GALNT13: variants seen among roughly 807,000 people sequenced by gnomAD.
The protein encoded by GALNT13 is UDP-GalNAc:polypeptide N-acetylgalactosaminyltransferase 13.
A neutral mutation model predicts 64.2 loss-of-function variants in GALNT13; 28 were observed. That is an observed-to-expected ratio of 0.44 (90% CI 0.32 to 0.60). The LOEUF (loss-of-function observed/expected upper bound fraction) is 0.60, where lower values mean the gene tolerates loss of function less well. Ranked by LOEUF, GALNT13 falls within the 20% of genes least tolerant of loss-of-function variation. The pLI is 0.05. For missense variants in GALNT13, 577 were observed against 669.8 expected (o/e 0.86, Z 1.53); for synonymous variants, 214 against 224.6 (o/e 0.95, Z 0.42).
At chr2:153,627,525 T>C in the GALNT13 span, among the ~76,000 whole-genome samples, 1 of 152,092 alleles carries the variant, frequency 6.6e-6, no homozygotes, top group African/African-American at 2.4e-5. Flanking sequence ...AAAAACAGTC[T>C]TAGAAAAATC....
the GALNT13 span, among the ~76,000 whole-genome samples, chr2:153,304,896 G>A: frequency 6.6e-6 from 1 of 152,116 alleles, no homozygotes; most frequent in Admixed American, 6.5e-5. Context: ...GAGATAGAAG[G>A]CACATTAGAG....
chr2:154,326,066 A>T (rs970127963), intron 9 of GALNT13, among the ~76,000 whole-genome samples: 1 of 152,126 alleles, frequency 6.6e-6, no homozygotes, highest in Non-Finnish European at 1.5e-5. Flanking sequence ...TTAGTCAGGC[A>T]CAGTCTAAGG....
At chr2:153,189,756 G>A in the GALNT13 span, among the ~76,000 whole-genome samples, 3 of 152,184 alleles carry the variant, frequency 2.0e-5, no homozygotes, top group East Asian at 1.9e-4. Flanking sequence ...ATCTTTGCTA[G>A]CATCTGTTAC....
At chr2:153,205,129 C>T in the GALNT13 span, among the ~76,000 whole-genome samples, 87 of 150,382 alleles carry the variant, frequency 5.8e-4, no homozygotes, top group Non-Finnish European at 8.9e-4. Flanking sequence ...TTTTACTGAA[C>T]AAACTTACTG....
At chr2:153,333,410 C>T in the GALNT13 span, among the ~76,000 whole-genome samples, 9 of 152,208 alleles carry the variant, frequency 5.9e-5, no homozygotes, top group East Asian at 9.7e-4. Flanking sequence ...TCACAAGGGC[C>T]GTTTGCTGGC....
chr2:154,004,395 G>A (rs1452086658), intron 3 of GALNT13, among the ~76,000 whole-genome samples: 2 of 151,918 alleles, frequency 1.3e-5, no homozygotes, highest in African/African-American at 2.4e-5. Context: ...TAGTAGAGAG[G>A]GGGTTTCACC....
chr2:153,088,803 G>A, the GALNT13 span, among the ~76,000 whole-genome samples: 14 of 151,996 alleles, frequency 9.2e-5, no homozygotes, highest in Non-Finnish European at 1.3e-4. Flanking sequence ...GCTTGCATTT[G>A]GTTTCCATTT....
At chr2:153,082,614 TATATACACACACACACAC>T in the GALNT13 span, among the ~76,000 whole-genome samples, 896 of 30,950 alleles carry the variant, frequency 0.029, 3 homozygotes, top group Non-Finnish European at 0.044. Flanking sequence ...TATATATATA[TATATACACACACACACAC>T]ACACACACAC....
the GALNT13 span, among the ~76,000 whole-genome samples, chr2:153,423,844 A>T: frequency 6.6e-6 from 1 of 151,536 alleles, no homozygotes; most frequent in East Asian, 2.0e-4. Context: ...TCTTCCTCCT[A>T]TTTATCTATA....
chr2:153,966,219 C>CTT (rs761961683), intron 3 of GALNT13, among the ~76,000 whole-genome samples: 1,680 of 120,088 alleles, frequency 0.014, 20 homozygotes, highest in African/African-American at 0.018. Context: ...GGTTGGATTT[C>CTT]TTTTTTTTTT....
At chr2:153,879,318 G>C (rs1686607527) in intron 1 of GALNT13, among the ~76,000 whole-genome samples, 1 of 151,960 alleles carries the variant, frequency 6.6e-6, no homozygotes, top group Non-Finnish European at 1.5e-5. Flanking sequence ...GGAAGGGCAA[G>C]GATGATGTTA....
At chr2:154,387,129 C>T (rs190820278) in intron 9 of GALNT13, among the ~76,000 whole-genome samples, 2 of 152,180 alleles carry the variant, frequency 1.3e-5, no homozygotes, top group East Asian at 3.9e-4. Flanking sequence ...GTTCTGTCCA[C>T]TGACATGCTA....
At chr2:153,858,953 C>T in the GALNT13 span, among the ~76,000 whole-genome samples, 1 of 152,260 alleles carries the variant, frequency 6.6e-6, no homozygotes, top group African/African-American at 2.4e-5. Flanking sequence ...AGGCTGGTCT[C>T]ACACTCCTGG....
At chr2:153,836,155 A>G in the GALNT13 span, among the ~76,000 whole-genome samples, 73 of 152,220 alleles carry the variant, frequency 4.8e-4, no homozygotes, top group Middle Eastern at 0.017. Flanking sequence ...GAATGCAAAG[A>G]AGGTGAAATA....
At chr2:153,682,950 T>C in the GALNT13 span, among the ~76,000 whole-genome samples, 3,442 of 151,844 alleles carry the variant, frequency 0.023, 55 homozygotes, top group Non-Finnish European at 0.032. Context: ...TGGATTATTA[T>C]AGTGATTGTT....
chr2:153,535,362 A>G, the GALNT13 span, among the ~76,000 whole-genome samples: 1 of 152,176 alleles, frequency 6.6e-6, no homozygotes, highest in Non-Finnish European at 1.5e-5. Context: ...TATTTACTTC[A>G]AGAGTTAAGA....
the GALNT13 span, among the ~76,000 whole-genome samples, chr2:153,534,021 G>A: frequency 2.6e-5 from 4 of 151,834 alleles, no homozygotes; most frequent in Admixed American, 6.6e-5. Context: ...TTACAGGCGT[G>A]AGCCACCGTG....
chr2:154,242,296 C>A, intron 5 of GALNT13, 100 bp downstream of exon 5: 1 of 969,102 alleles, frequency 1.0e-6, no homozygotes. Flanking sequence ...GATAACTAGG[C>A]AATGATCTAT....
intron 3 of GALNT13, among the ~76,000 whole-genome samples, chr2:154,073,746 G>A (rs1003230821): frequency 1.3e-5 from 2 of 151,756 alleles, no homozygotes; most frequent in African/African-American, 4.8e-5. Flanking sequence ...AAACTGTAAG[G>A]AACTATTACT....
Sources: gnomAD v4.1 joint callset for allele counts (sites outside exome capture counted in the v4.1 genomes callset) on GRCh38, gnomAD v4.1.1 for gene constraint, MANE v1.5 for transcripts, NCBI Gene and HGNC (gene_info 2026-07-23, HGNC 2026-07-21) for gene names.